MARK3: variants seen among roughly 807,000 people sequenced by gnomAD.
The protein encoded by MARK3 is microtubule affinity regulating kinase 3.
MARK3 carries 46 observed loss-of-function variants against 90.1 expected under a neutral mutation model. The ratio of observed to expected loss-of-function variants is 0.51; its 90% confidence interval spans 0.40 to 0.65. The LOEUF (loss-of-function observed/expected upper bound fraction) is 0.65, where lower values mean the gene tolerates loss of function less well. Among genes scored for constraint, MARK3 ranks in the 30% least tolerant of loss-of-function variants. The pLI, the probability that MARK3 is intolerant of heterozygous loss-of-function variation, is 0.00. For missense variants in MARK3, 818 were observed against 947.2 expected, an observed-to-expected ratio of 0.86 and a Z score of 1.79; for synonymous variants, 321 against 332.6, an observed-to-expected ratio of 0.97 and a Z score of 0.38.
At chr14:103,480,568 T>G in intron 14 of MARK3, 78 bp downstream of exon 14, 1 of 795,542 alleles carries the variant, frequency 1.3e-6, no homozygotes, top group Admixed American at 2.5e-5. Flanking sequence ...TGCTTTGTTC[T>G]TATAATCATT....
At chr14:103,479,864 T>C (rs1442542168) in intron 13 of MARK3, among the ~76,000 whole-genome samples, 3 of 152,168 alleles carry the variant, frequency 2.0e-5, no homozygotes, top group Admixed American at 2.0e-4. Context: ...GGTCTCGAAC[T>C]CCTCACCTCA....
rs762994053 is a variant in MARK3 at position 103,422,413 on chromosome 14, C to T, written c.244-5974C>T. Among the ~76,000 whole-genome samples the T allele has an allele frequency of 1.6e-4, 25 of 152,122 alleles. 1 individual carries two copies. Among genetic ancestry groups the T allele is most frequent in the Admixed American group, 5.2e-4 (8 of 15,274 alleles). Reference sequence around the variant, plus strand: ...GAGGTTGCAGTGAGCCAAGATCGCGCGACTGCACTCCAGCCTGGGCGATAG... The same window carrying T: ...GAGGTTGCAGTGAGCCAAGATCGCGTGACTGCACTCCAGCCTGGGCGATAG... On this transcript the variant is annotated intron_variant, in intron 2 of 17. Transcript: ENST00000429436.
intron 4 of MARK3, 114 bp downstream of exon 4, chr14:103,449,081 A>G: frequency 3.4e-6 from 4 of 1,167,982 alleles, no homozygotes; most frequent in East Asian, 2.6e-5. Flanking sequence ...AAATATATAT[A>G]CAAGTTGTTG....
chr14:103,421,452 G>T (rs2092217559), intron 2 of MARK3, among the ~76,000 whole-genome samples: 1 of 152,142 alleles, frequency 6.6e-6, no homozygotes, highest in African/African-American at 2.4e-5. Context: ...TTCCTCATTT[G>T]TGTGATTTTT....
At chr14:103,386,485 CAT>C (rs774620400) in intron 1 of MARK3, 3 of 472,946 alleles carry the variant, frequency 6.3e-6, no homozygotes, top group East Asian at 5.9e-5. Flanking sequence ...ACATTAATAA[CAT>C]ATGTTACCGG....
intron 2 of MARK3, among the ~76,000 whole-genome samples, chr14:103,406,057 A>G (rs1180303645): frequency 6.6e-6 from 1 of 151,046 alleles, no homozygotes; most frequent in Non-Finnish European, 1.5e-5. Flanking sequence ...CACCCGGCTA[A>G]TGTTTAAAAA....
chr14:103,429,548 G>A (rs2092516412), intron 3 of MARK3, among the ~76,000 whole-genome samples: 1 of 152,146 alleles, frequency 6.6e-6, no homozygotes, highest in Admixed American at 6.5e-5. Flanking sequence ...TTGGGAGGTG[G>A]GGAGGGAGAT....
intron 1 of MARK3, among the ~76,000 whole-genome samples, chr14:103,404,169 A>C (rs2091135088): frequency 6.6e-6 from 1 of 152,194 alleles, no homozygotes; most frequent in South Asian, 2.1e-4. Context: ...TAAATTACAA[A>C]GCAGTTTATT....
At chr14:103,476,771 G>C (rs935325690) in intron 13 of MARK3, among the ~76,000 whole-genome samples, 2 of 152,112 alleles carry the variant, frequency 1.3e-5, no homozygotes, top group South Asian at 4.1e-4. Flanking sequence ...CTGGGGACTG[G>C]GTGCATGAAG....
chr14:103,494,654 C>T lies in MARK3; in HGVS notation c.1844+2620C>T, dbSNP rs935276781. On this transcript the variant is annotated intron_variant, in intron 15 of 17. Coordinates refer to ENST00000429436, the MANE Select transcript of MARK3 (RefSeq NM_001128918.3). ...AAATATCAGCTACCTCTTTTTTTTT[C>T]CCCACAGAGTCTCACTTTATCGCCC... 5.4e-5 allele frequency among the ~76,000 whole-genome samples: 8 copies of T among 148,342 alleles called. No individual in the cohort carries two copies. The East Asian group carries it at 1.4e-3, about 25-fold the overall frequency.
At position 103,466,111 on chromosome 14, in the gene MARK3, C is replaced by T. The variant is rs752246031; in HGVS notation, c.897+20C>T. 11 of 1,611,556 alleles carry T rather than the reference C, an allele frequency of 6.8e-6. No homozygotes were observed. The East Asian group carries it at 2.5e-4, about 36-fold the overall frequency. ...CTAGAGGTAATCATGTAGGTGGAAA[C>T]AAGCAGTAACTTTGGAGAGTCTTTA... is the stretch of plus-strand genomic sequence containing the variant. On this transcript the variant is annotated intron_variant, in intron 9 of 17. Coordinates refer to ENST00000429436, the MANE Select transcript of MARK3 (RefSeq NM_001128918.3).
At chr14:103,498,267 T>A (rs1259646057) in intron 15 of MARK3, among the ~76,000 whole-genome samples, 2 of 152,148 alleles carry the variant, frequency 1.3e-5, no homozygotes, top group African/African-American at 4.8e-5. Flanking sequence ...AATGTCAATA[T>A]GTACTGCTAA....
intron 5 of MARK3, among the ~76,000 whole-genome samples, chr14:103,456,169 A>T (rs1283804079): frequency 6.6e-6 from 1 of 152,014 alleles, no homozygotes; most frequent in African/African-American, 2.4e-5. Flanking sequence ...CTGAGCTCCT[A>T]CTTCTCACCA....
intron 1 of MARK3, among the ~76,000 whole-genome samples, chr14:103,390,449 A>G (rs906520383): frequency 9.1e-6 from 1 of 109,476 alleles, no homozygotes; most frequent in South Asian, 3.5e-4. Flanking sequence ...GTACCTGTAC[A>G]TAGAGTATTT....
chr14:103,458,905 A>C (rs1360931178), intron 6 of MARK3: 2 of 458,638 alleles, frequency 4.4e-6, no homozygotes, highest in Non-Finnish European at 7.7e-6. Flanking sequence ...AGTAAAAATC[A>C]GCTTTGGCTA....
intron 5 of MARK3, among the ~76,000 whole-genome samples, chr14:103,453,517 A>AT (rs1566871066): frequency 6.6e-6 from 1 of 152,232 alleles, no homozygotes; most frequent in African/African-American, 2.4e-5. Flanking sequence ...GTGGAAAACA[A>AT]TGAGTTGTAG....
At chr14:103,455,652 T>G (rs982851052) in intron 5 of MARK3, among the ~76,000 whole-genome samples, 1 of 151,076 alleles carries the variant, frequency 6.6e-6, no homozygotes, top group Admixed American at 6.6e-5. Flanking sequence ...TGCTTGAACG[T>G]TGGAGGCAGA....
rs992603207 is a variant in MARK3 at position 103,462,190 on chromosome 14, A to G, written c.484-215A>G. ...AAGAGACTTCAGTTAAAACAGTAGA[A>G]AACGGAAGAACGTCCTCACCTATTT... On this transcript the variant is annotated intron_variant, in intron 6 of 17. Coordinates refer to ENST00000429436, the MANE Select transcript of MARK3 (RefSeq NM_001128918.3). Among the ~76,000 whole-genome samples, 3 of 152,302 alleles carry G rather than the reference A, an allele frequency of 2.0e-5. No homozygotes were observed. The South Asian group carries it at 6.2e-4, about 32-fold the overall frequency.
chr14:103,403,558 T>G (rs1262323349), intron 1 of MARK3, among the ~76,000 whole-genome samples: 1 of 152,144 alleles, frequency 6.6e-6, no homozygotes, highest in African/African-American at 2.4e-5. Context: ...AATAATAAAT[T>G]CCTGTTACTG....
Sources: allele counts gnomAD v4.1 joint callset (sites outside exome capture counted in the v4.1 genomes callset), GRCh38; gene constraint gnomAD v4.1.1; transcripts MANE v1.5; gene names NCBI Gene and HGNC (gene_info 2026-07-23, HGNC 2026-07-21).